CNOT1: variants seen among roughly 807,000 people sequenced by gnomAD.
The protein encoded by CNOT1 is CCR4-NOT transcription complex subunit 1.
CNOT1 carries 15 observed loss-of-function variants against 273.8 expected under a neutral mutation model. The observed-to-expected ratio is 0.05, with a 90% CI of 0.04 to 0.08. The LOEUF (loss-of-function observed/expected upper bound fraction) is 0.08, where lower values mean the gene tolerates loss of function less well. Among genes scored for constraint, CNOT1 ranks in the 10% least tolerant of loss-of-function variants. The pLI, the probability that CNOT1 is intolerant of heterozygous loss-of-function variation, is 1.00. For synonymous variants in CNOT1, 1,022 were observed against 1,005.5 expected, an observed-to-expected ratio of 1.02 and a Z score of -0.31; for missense variants, 1,644 against 2,912.2, an observed-to-expected ratio of 0.56 and a Z score of 10.02.
At chr16:58,616,183 T>A (rs2043074546) in intron 1 of CNOT1, among the ~76,000 whole-genome samples, 1 of 125,408 alleles carries the variant, frequency 8.0e-6, no homozygotes, top group South Asian at 2.3e-4. Flanking sequence ...CTCGGCTCAC[T>A]GCAACCTCCG....
chr16:58,527,648 C>T (rs889038289), intron 44 of CNOT1, among the ~76,000 whole-genome samples: 7 of 152,152 alleles, frequency 4.6e-5, no homozygotes, highest in African/African-American at 1.7e-4. Context: ...CATTAGGTAT[C>T]ATAAGCACTA....
chr16:58,604,621 TA>T (rs869046701), intron 1 of CNOT1, among the ~76,000 whole-genome samples: 30,245 of 120,762 alleles, frequency 0.25, 3,744 homozygotes, highest in African/African-American at 0.4. Flanking sequence ...ATCTCTGCTA[TA>T]AAAAAAAAAA....
At chr16:58,521,082 TAAC>T (rs1227871146) in intron 48 of CNOT1, 46 bp from the exon 49 acceptor site, 1 of 1,613,582 alleles carries the variant, frequency 6.2e-7, no homozygotes, top group African/African-American at 1.3e-5. Flanking sequence ...AGAGTAGGCC[TAAC>T]AATACCTTGC....
Position 58,541,510 on chromosome 16 carries a change from C to T in CNOT1, c.4791G>A (p.Gln1597=). 1 of 1,613,732 alleles carries T rather than the reference C, an allele frequency of 6.2e-7. No individual in the cohort carries two copies. Among genetic ancestry groups the T allele is most frequent in the Non-Finnish European group, 8.5e-7 (1 of 1,179,706 alleles). ...TCTAAAACACATTTACCTTCATGGG[C>T]TGGGCTAAAAATCCCGTGGGCTGAC... The part of the protein sequence containing the change: ...DLSQPTGFLA[Q]PMKQAWATDD... The change falls in exon 34 of 49, where the codon CAG becomes CAA. Residue 1597 remains glutamine (Q), a synonymous_variant. Coordinates refer to ENST00000317147, the MANE Select transcript of CNOT1 (RefSeq NM_016284.5).
At chr16:58,526,629 C>T (rs1597395621) in intron 44 of CNOT1, among the ~76,000 whole-genome samples, 1 of 151,436 alleles carries the variant, frequency 6.6e-6, no homozygotes, top group South Asian at 2.1e-4. Context: ...TTCAAGACCA[C>T]CCTGACCAAC....
intron 27 of CNOT1, 93 bp from the exon 28 acceptor site, chr16:58,546,842 G>C: frequency 1.4e-6 from 2 of 1,462,362 alleles, no homozygotes; most frequent in Non-Finnish European, 1.9e-6. Context: ...GGGGTAGGGG[G>C]GAGTCAAACA....
chr16:58,523,234 C>T (rs2039470114), intron 47 of CNOT1, 136 bp downstream of exon 47: 2 of 856,622 alleles, frequency 2.3e-6, no homozygotes, highest in East Asian at 2.7e-5. Flanking sequence ...GACAGAGCAA[C>T]ACTCCGTCTC....
In CNOT1 at chr16:58,578,880, T is replaced by G. The variant is rs748523214; in HGVS notation, c.1403A>C (p.Gln468Pro). Reference sequence around the variant, plus strand: ...AGGGAAGCTGAAGAGCTGTTTGACTTGCTCATACTGCCCAACCTCTGCAAG... The same window carrying G: ...AGGGAAGCTGAAGAGCTGTTTGACTGGCTCATACTGCCCAACCTCTGCAAG... ...LRLAEVGQYE[Q>P]VKQLFSFPIK... The change falls in exon 13 of 49, where the codon CAA becomes CCA. Residue 468 changes from glutamine (Q) to proline (P), a missense_variant. By Grantham distance (76) the Gln-to-Pro change is moderately conservative. Transcript: ENST00000317147. 2 of 1,614,082 alleles carry G rather than the reference T, an allele frequency of 1.2e-6. No homozygotes were observed. The highest frequency in any genetic ancestry group is 1.7e-6 in the Non-Finnish European group (2 of 1,180,036).
At chr16:58,623,262 A>G (rs956107847) in intron 1 of CNOT1, 5 of 152,208 alleles carry the variant, frequency 3.3e-5, no homozygotes, top group African/African-American at 1.2e-4. Context: ...CATTACTGTA[A>G]TATTTATTGT....
rs2039859794 is a variant in CNOT1 at position 58,534,095 on chromosome 16, T to C, written c.5895+52A>G. On this transcript the variant is annotated intron_variant, in intron 40 of 48. Coordinates refer to ENST00000317147, the MANE Select transcript of CNOT1 (RefSeq NM_016284.5). ...AAAATAATAATAATAAATAAATAAA[T>C]AAAACACCCCACTGATGTAGACCAA... The C allele has an allele frequency of 8.8e-6, 12 of 1,362,676 alleles. No individual in the cohort carries two copies. In the South Asian group the frequency reaches 1.2e-4, roughly 13 times the overall value. The allele number at this position is 1,362,676 out of a possible 1,614,324, so 84.4% of individuals were successfully genotyped here. A position where few individuals can be genotyped will look rare whatever the true frequency, so the allele number is the denominator to read the frequency against.
intron 22 of CNOT1, 30 bp from the exon 23 acceptor site, chr16:58,551,849 A>C (rs1427687399): frequency 6.2e-7 from 1 of 1,610,562 alleles, no homozygotes; most frequent in South Asian, 1.1e-5. Flanking sequence ...AAAAAGAGTT[A>C]ACCTTAATTG....
chr16:58,593,768 A>G (rs895276566), intron 2 of CNOT1, among the ~76,000 whole-genome samples: 1 of 152,230 alleles, frequency 6.6e-6, no homozygotes, highest in Non-Finnish European at 1.5e-5. Flanking sequence ...AAATGTTGAT[A>G]GCAACCATAT....
intron 2 of CNOT1, among the ~76,000 whole-genome samples, chr16:58,598,828 A>G (rs1387130811): frequency 1.3e-5 from 2 of 152,036 alleles, no homozygotes; most frequent in Non-Finnish European, 2.9e-5. Flanking sequence ...TTTCGAGGCC[A>G]AGGCGGATCA....
intron 1 of CNOT1, among the ~76,000 whole-genome samples, chr16:58,626,476 A>G (rs1435589510): frequency 3.3e-5 from 5 of 150,736 alleles, no homozygotes; most frequent in Non-Finnish European, 5.9e-5. Flanking sequence ...ATGGCAGACT[A>G]CTAGGCTGGG....
At chr16:58,561,227 T>C (rs2151944000) in intron 16 of CNOT1, among the ~76,000 whole-genome samples, 1 of 152,286 alleles carries the variant, frequency 6.6e-6, no homozygotes, top group Non-Finnish European at 1.5e-5. Flanking sequence ...TTCTGCCACA[T>C]CCCATCCCTC....
chr16:58,589,358 C>T (rs2041976242), intron 2 of CNOT1, among the ~76,000 whole-genome samples: 2 of 152,192 alleles, frequency 1.3e-5, no homozygotes, highest in East Asian at 3.9e-4. Context: ...ACTAAATATA[C>T]AAAAATTAGC....
At chr16:58,629,388 G>A (rs1181571213) in intron 1 of CNOT1, among the ~76,000 whole-genome samples, 2 of 152,184 alleles carry the variant, frequency 1.3e-5, no homozygotes, top group Non-Finnish European at 2.9e-5. Context: ...CGCGAAGCCA[G>A]GCCCAGCGAC....
chr16:58,550,635 G>GA (rs930254879), intron 24 of CNOT1, among the ~76,000 whole-genome samples: 12 of 152,092 alleles, frequency 7.9e-5, no homozygotes, highest in Non-Finnish European at 1.8e-4. Flanking sequence ...CTGCATGGCA[G>GA]AAAAAATAGT....
rs2151911727 is a variant in CNOT1, at chr16:58,538,145, A to C, written c.5244+13T>G. 1 of 1,596,738 alleles carries C rather than the reference A, an allele frequency of 6.3e-7. No individual in the cohort carries two copies. The highest frequency in any genetic ancestry group is 2.2e-5 in the East Asian group (1 of 44,810). ...TGAGTCCTTTTGTCCGTGCAAGTAA[A>C]TTCCTTCCATACCTGCGCTAGGTGA... On this transcript the variant is annotated intron_variant, in intron 37 of 48. Transcript: ENST00000317147.
Sources: gnomAD v4.1 joint callset for allele counts (sites outside exome capture counted in the v4.1 genomes callset) on GRCh38, gnomAD v4.1.1 for gene constraint, MANE v1.5 for transcripts, NCBI Gene and HGNC (gene_info 2026-07-23, HGNC 2026-07-21) for gene names.